Variants in TAF4B observed in about 807,000 individuals in gnomAD.
TAF4B encodes the protein TATA-box binding protein associated factor 4b.
In TAF4B, 38 loss-of-function variants were observed where a neutral mutation model predicts 86.4. That is an observed-to-expected ratio of 0.44 (90% CI 0.34 to 0.58). The LOEUF is 0.58. Among genes scored for constraint, TAF4B ranks in the 20% least tolerant of loss-of-function variants. The pLI, the probability that TAF4B is intolerant of heterozygous loss-of-function variation, is 0.02. For missense variants in TAF4B, 988 were observed against 1,027.6 expected (o/e 0.96, Z 0.53); for synonymous variants, 388 against 391.2 (o/e 0.99, Z 0.10).
At chr18:26,261,694 T>C (rs977324289) in intron 1 of TAF4B, among the ~76,000 whole-genome samples, 1 of 152,186 alleles carries the variant, frequency 6.6e-6, no homozygotes, top group Non-Finnish European at 1.5e-5. Flanking sequence ...ACAGAGATAA[T>C]TTTTTAGGCC....
intron 1 of TAF4B, among the ~76,000 whole-genome samples, chr18:26,229,538 T>G (rs1273521150): frequency 6.7e-6 from 1 of 150,218 alleles, no homozygotes; most frequent in Non-Finnish European, 1.5e-5. Flanking sequence ...AGTGTCACTC[T>G]GTTGCCCAGG....
At chr18:26,315,446 G>A (rs2056902310) in intron 10 of TAF4B, 48 bp downstream of exon 10, 1 of 1,428,900 alleles carries the variant, frequency 7.0e-7, no homozygotes, top group South Asian at 1.6e-5. Flanking sequence ...GTCTGTTTGA[G>A]GGAAAATATT....
intron 5 of TAF4B, among the ~76,000 whole-genome samples, chr18:26,277,502 A>G (rs565058898): frequency 4.6e-5 from 7 of 152,144 alleles, no homozygotes; most frequent in Admixed American, 3.9e-4. Context: ...TGCTGTACCA[A>G]TTTTGCAAAT....
chr18:26,361,386 G>A (rs9957539), intron 14 of TAF4B, among the ~76,000 whole-genome samples: 149,416 of 149,972 alleles, frequency 1, 74,435 homozygotes, highest in East Asian at 1. Flanking sequence ...CTGCCTCCCA[G>A]AGTGCTGGGA....
intron 14 of TAF4B, among the ~76,000 whole-genome samples, chr18:26,361,051 A>G (rs1432211910): frequency 6.6e-6 from 1 of 152,100 alleles, no homozygotes; most frequent in African/African-American, 2.4e-5. Context: ...AGTTCTATTT[A>G]TGACTATTTA....
intron 14 of TAF4B, among the ~76,000 whole-genome samples, chr18:26,373,132 G>A (rs1161018858): frequency 6.6e-6 from 1 of 152,144 alleles, no homozygotes; most frequent in Non-Finnish European, 1.5e-5. Flanking sequence ...AAGACAACTT[G>A]TGTCAGCCCC....
At chr18:26,233,518 A>T (rs1378711622) in intron 1 of TAF4B, among the ~76,000 whole-genome samples, 1 of 152,088 alleles carries the variant, frequency 6.6e-6, no homozygotes, top group African/African-American at 2.4e-5. Flanking sequence ...AGTTACTATG[A>T]TCAGTTGGGG....
At chr18:26,237,224 G>A (rs923523482) in intron 1 of TAF4B, among the ~76,000 whole-genome samples, 2 of 152,230 alleles carry the variant, frequency 1.3e-5, no homozygotes, top group South Asian at 2.1e-4. Flanking sequence ...AGGTATCTTC[G>A]AACTCTTGGG....
intron 14 of TAF4B, among the ~76,000 whole-genome samples, chr18:26,365,372 A>G (rs2057365140): frequency 2.0e-5 from 3 of 152,222 alleles, no homozygotes; most frequent in Admixed American, 2.0e-4. Flanking sequence ...GCAATACATT[A>G]GAATATTTGA....
intron 14 of TAF4B, among the ~76,000 whole-genome samples, chr18:26,380,369 G>A (rs921710557): frequency 2.0e-5 from 3 of 152,146 alleles, no homozygotes; most frequent in African/African-American, 7.2e-5. Flanking sequence ...CAACTTTGAA[G>A]ATATTTCCTA....
chr18:26,380,513 G>A (rs1206756422), intron 14 of TAF4B, among the ~76,000 whole-genome samples: 3 of 152,160 alleles, frequency 2.0e-5, no homozygotes, highest in Non-Finnish European at 2.9e-5. Context: ...TATGACTTGG[G>A]CTTGCATGGT....
At chr18:26,328,218 AG>A (rs2057021269) in intron 12 of TAF4B, among the ~76,000 whole-genome samples, 1 of 152,136 alleles carries the variant, frequency 6.6e-6, no homozygotes, top group Non-Finnish European at 1.5e-5. Context: ...TGGAAGGCTG[AG>A]GTGGGCGGAT....
intron 1 of TAF4B, among the ~76,000 whole-genome samples, chr18:26,235,334 T>C (rs940866466): frequency 6.6e-6 from 1 of 152,110 alleles, no homozygotes; most frequent in South Asian, 2.1e-4. Flanking sequence ...TTTAATGTCA[T>C]AGGGCAAGGA....
chr18:26,373,776 T>C (rs183763153), intron 14 of TAF4B, among the ~76,000 whole-genome samples: 17 of 152,344 alleles, frequency 1.1e-4, no homozygotes, highest in African/African-American at 3.6e-4. Flanking sequence ...TTCATTCATT[T>C]ATTCATTCCT....
At chr18:26,322,956 A>G (rs1022873897) in intron 11 of TAF4B, among the ~76,000 whole-genome samples, 1 of 151,962 alleles carries the variant, frequency 6.6e-6, no homozygotes, top group Admixed American at 6.5e-5. Context: ...TTATCTTTAA[A>G]TATTTTCTCA....
intron 2 of TAF4B, among the ~76,000 whole-genome samples, chr18:26,265,738 T>TA (rs1268529648): frequency 6.6e-6 from 1 of 152,202 alleles, no homozygotes; most frequent in East Asian, 1.9e-4. Flanking sequence ...ATTTTATTTT[T>TA]TGCACAGGTA....
chr18:26,299,067 G>A (rs944270988), intron 9 of TAF4B, among the ~76,000 whole-genome samples: 1 of 150,120 alleles, frequency 6.7e-6, no homozygotes, highest in African/African-American at 2.5e-5. Context: ...CTCCATGTTA[G>A]TCAGGTTGCT....
At chr18:26,275,108 TAATTGGGA>T (rs763051968) in intron 5 of TAF4B, 55 bp downstream of exon 5, 20 of 1,505,558 alleles carry the variant, frequency 1.3e-5, no homozygotes, top group Non-Finnish European at 1.6e-5. Context: ...TAACATGTTG[TAATTGGGA>T]AATGCATATT....
At chr18:26,382,063 A>C (rs1217889806) in intron 14 of TAF4B, among the ~76,000 whole-genome samples, 1 of 152,200 alleles carries the variant, frequency 6.6e-6, no homozygotes, top group African/African-American at 2.4e-5. Context: ...ATACATTTAA[A>C]GATATTGATA....
Sources: gnomAD v4.1 joint callset for allele counts (sites outside exome capture counted in the v4.1 genomes callset) on GRCh38, gnomAD v4.1.1 for gene constraint, MANE v1.5 for transcripts, NCBI Gene and HGNC (gene_info 2026-07-23, HGNC 2026-07-21) for gene names.